The following IMMT variants were observed in gnomAD, a reference collection of about 807,000 sequenced individuals.
IMMT encodes inner membrane mitochondrial protein, also known as MICOS complex subunit MIC60.
A neutral mutation model predicts 92.7 loss-of-function variants in IMMT; 40 were observed. That is an observed-to-expected ratio of 0.43 (90% CI 0.34 to 0.56). IMMT has a LOEUF of 0.56. Ranked by LOEUF, IMMT falls within the 20% of genes least tolerant of loss-of-function variation. IMMT has a pLI of 0.03. For missense variants in IMMT, 831 were observed against 912.1 expected (o/e 0.91, Z 1.14); for synonymous variants, 322 against 336.1 (o/e 0.96, Z 0.46).
intron 3 of IMMT, among the ~76,000 whole-genome samples, chr2:86,178,284 T>C (rs6706204): frequency 0.51 from 72,586 of 141,902 alleles, 18,731 homozygotes; most frequent in Non-Finnish European, 0.55. Context: ...GGCCACTGCA[T>C]TCCAGCCTGC....
At chr2:86,168,884 G>A (rs776184872) in intron 6 of IMMT, among the ~76,000 whole-genome samples, 7 of 152,174 alleles carry the variant, frequency 4.6e-5, no homozygotes, top group East Asian at 1.9e-4. Flanking sequence ...GAGAGAAACC[G>A]TGGTATTTGG....
Position 86,179,441 on chromosome 2 carries a change from T to C in IMMT, c.301A>G (p.Lys101Glu), listed in dbSNP as rs1677679463. The change falls in exon 3 of 15, where the codon AAG becomes GAG. Residue 101 changes from lysine to glutamate, a missense_variant. Coordinates refer to ENST00000410111, the MANE Select transcript of IMMT (RefSeq NM_006839.3). ...TTGTTTAAAACTCTTACCGATTTCT[T>C]TGGCAATGGAACATTATAAGCTGCA... ...GPAAYNVPLP[K>E]KSIQSGPLKI... is the part of the protein sequence containing the mutation. The C allele has an allele frequency of 1.3e-6, 2 of 1,582,948 alleles. No homozygotes were observed.
intron 1 of IMMT, among the ~76,000 whole-genome samples, chr2:86,185,065 G>A (rs1010422189): frequency 6.6e-6 from 1 of 152,020 alleles, no homozygotes; most frequent in African/African-American, 2.4e-5. Context: ...GTGTGCGCCT[G>A]TAGTCCCAGC....
intron 7 of IMMT, among the ~76,000 whole-genome samples, chr2:86,164,656 A>C (rs1199533445): frequency 1.4e-5 from 2 of 140,670 alleles, no homozygotes; most frequent in Non-Finnish European, 3.0e-5. Context: ...ACGCCACTGC[A>C]CTACAGCCTG....
At chr2:86,152,232 G>GGAGTTCGAGACCAGCTT (rs1315165214) in intron 11 of IMMT, among the ~76,000 whole-genome samples, 1 of 152,060 alleles carries the variant, frequency 6.6e-6, no homozygotes, top group East Asian at 1.9e-4. Flanking sequence ...CCTGAGGTCA[G>GGAGTTCGAGACCAGCTT]GAGTTCGAGA....
chr2:86,192,399 G>T (rs1339061760), intron 1 of IMMT, among the ~76,000 whole-genome samples: 3 of 152,064 alleles, frequency 2.0e-5, no homozygotes, highest in African/African-American at 4.8e-5. Flanking sequence ...CTTGAGCCCA[G>T]AAGCTGAAGA....
In IMMT at chr2:86,153,549, A is replaced by G. The variant is rs370115422; in HGVS notation, c.1177+11T>C. ...AAAAGACTTTAAACATGAAATATAC[A>G]TAACACTCACCTAAGTCTGAAACAC... On this transcript the variant is annotated intron_variant, in intron 11 of 14. Transcript: ENST00000410111. The G allele has an allele frequency of 1.8e-4, 262 of 1,458,176 alleles. No homozygotes were observed. The highest frequency in any genetic ancestry group is 2.1e-4 in the Non-Finnish European group (230 of 1,080,518). The allele number at this position is 1,458,176 out of a possible 1,614,324, so 90.3% of individuals were successfully genotyped here.
At chr2:86,158,795 ATTC>A (rs1676054936) in intron 9 of IMMT, 74 bp from the exon 10 acceptor site, 2 of 1,212,326 alleles carry the variant, frequency 1.6e-6, no homozygotes, top group African/African-American at 3.0e-5. Flanking sequence ...CAGAAGTAGT[ATTC>A]CTTCATTTGT....
At chr2:86,159,846 G>C in intron 8 of IMMT, 175 bp from the exon 9 acceptor site, 1 of 421,132 alleles carries the variant, frequency 2.4e-6, no homozygotes, top group Non-Finnish European at 4.1e-6. Flanking sequence ...TTGAGCCCAG[G>C]AGTTCAAGAC....
At chr2:86,175,622 T>C (rs1466139932) in intron 3 of IMMT, among the ~76,000 whole-genome samples, 1 of 151,808 alleles carries the variant, frequency 6.6e-6, no homozygotes, top group East Asian at 1.9e-4. Flanking sequence ...ATAGAGACAA[T>C]GTTATAACAA....
At chr2:86,167,472 T>TTTTTG (rs1558826150) in intron 6 of IMMT, among the ~76,000 whole-genome samples, 1 of 49,886 alleles carries the variant, frequency 2.0e-5, no homozygotes, top group African/African-American at 5.9e-5. Context: ...CGTGCCCGGT[T>TTTTTG]TTTTGTTTTT....
chr2:86,149,106 C>T (rs202002560), intron 12 of IMMT, among the ~76,000 whole-genome samples: 2 of 152,236 alleles, frequency 1.3e-5, no homozygotes, highest in East Asian at 3.8e-4. Context: ...CCTTTTCCCC[C>T]ACCTTACATT....
intron 4 of IMMT, 36 bp from the exon 5 acceptor site, chr2:86,171,381 C>T: frequency 1.9e-6 from 3 of 1,589,226 alleles, no homozygotes; most frequent in South Asian, 1.1e-5. Context: ...TTTATACTTT[C>T]CTGGGTTAAC....
intron 12 of IMMT, among the ~76,000 whole-genome samples, chr2:86,149,516 A>G (rs1169807937): frequency 6.6e-6 from 1 of 152,160 alleles, no homozygotes; most frequent in Non-Finnish European, 1.5e-5. Flanking sequence ...AAAGAAGGGT[A>G]TGAAGAAAGG....
intron 1 of IMMT, 185 bp downstream of exon 1, chr2:86,195,152 TC>T: frequency 1.8e-6 from 1 of 560,216 alleles, no homozygotes; most frequent in Non-Finnish European, 3.1e-6. Flanking sequence ...TGCAATAACC[TC>T]AAGTCATCCC....
chr2:86,162,109 ATAAC>A, intron 7 of IMMT, 30 bp from the exon 8 acceptor site: 1 of 1,333,324 alleles, frequency 7.5e-7, no homozygotes, highest in South Asian at 1.4e-5. Context: ...TATATAATAA[ATAAC>A]TGCTATTATT....
In IMMT at chr2:86,159,648, C is replaced by A; in HGVS notation, c.920G>T (p.Ser307Ile). The change falls in exon 9 of 15, where the codon AGT becomes ATT. Residue 307 changes from serine (S) to isoleucine (I), a missense_variant. Coordinates refer to ENST00000410111, the MANE Select transcript of IMMT (RefSeq NM_006839.3). ...KAKEELEKMK[S>I]VIENAKKKEV... ...TTTTTTCTTTGCATTTTCAATCACA[C>A]TTTTCATCTTCTCTAACTCTTCTCT... is the stretch of plus-strand genomic sequence containing the variant. The A allele has an allele frequency of 6.3e-7, 1 of 1,575,556 alleles. No individual in the cohort carries two copies.
Position 86,144,504 on chromosome 2 carries a change from A to G in IMMT, c.2041T>C (p.Cys681Arg), listed in dbSNP as rs1053796803. Residue 681 changes from cysteine to arginine, a missense_variant, in exon 15 of 15, where the codon TGC becomes CGC. Cys to Arg is a radical substitution (Grantham distance 180, BLOSUM62 -3). Coordinates refer to ENST00000410111, the MANE Select transcript of IMMT (RefSeq NM_006839.3). ...TTAAATGTGTTTATATCCTCAGGGC[A>G]GAGCTCTGGGGGCGGCTTCAGTTGC... is the stretch of plus-strand genomic sequence containing the variant. ...PQQLKPPPELCPEDINTFKLL... is the reference protein window; with the variant it reads ...PQQLKPPPELRPEDINTFKLL... 3 of 1,614,024 alleles carry G rather than the reference A, an allele frequency of 1.9e-6. No homozygotes were observed. Among genetic ancestry groups the G allele is most frequent in the Admixed American group, 1.7e-5 (1 of 60,022 alleles).
intron 1 of IMMT, among the ~76,000 whole-genome samples, chr2:86,184,840 T>C (rs929623527): frequency 2.8e-4 from 43 of 151,336 alleles, no homozygotes; most frequent in African/African-American, 5.6e-4. Context: ...ACATGGAAAA[T>C]AGAAAATTAA....
Sources: allele counts gnomAD v4.1 joint callset (sites outside exome capture counted in the v4.1 genomes callset), GRCh38; gene constraint gnomAD v4.1.1; transcripts MANE v1.5; gene names NCBI Gene and HGNC (gene_info 2026-07-23, HGNC 2026-07-21).